Variants in EPN2 observed in about 807,000 individuals in gnomAD.
The protein encoded by EPN2 is epsin 2.
A neutral mutation model predicts 61.7 loss-of-function variants in EPN2; 34 were observed. The observed-to-expected ratio is 0.55, with a 90% CI of 0.42 to 0.73. The LOEUF is 0.73. EPN2 is among the 30% of genes least tolerant of loss of function. EPN2 has a pLI of 0.00. For synonymous variants in EPN2, 349 were observed against 353.6 expected, an observed-to-expected ratio of 0.99 and a Z score of 0.15; for missense variants, 714 against 839.2, an observed-to-expected ratio of 0.85 and a Z score of 1.84.
At chr17:19,317,580 G>A (rs1384199805) in intron 7 of EPN2, among the ~76,000 whole-genome samples, 1 of 152,232 alleles carries the variant, frequency 6.6e-6, no homozygotes, top group East Asian at 1.9e-4. Context: ...CCAGGCTGGC[G>A]GGTGGGAGGC....
chr17:19,281,318 A>G (rs1204159631), intron 1 of EPN2, among the ~76,000 whole-genome samples: 1 of 152,226 alleles, frequency 6.6e-6, no homozygotes, highest in Non-Finnish European at 1.5e-5. Context: ...AATCATTCAC[A>G]TGCAAAAAGA....
intron 7 of EPN2, among the ~76,000 whole-genome samples, chr17:19,316,723 A>G (rs750032691): frequency 2.2e-4 from 33 of 152,270 alleles, no homozygotes; most frequent in Non-Finnish European, 4.3e-4. Flanking sequence ...AGGCATCATT[A>G]GAAATTCTAA....
chr17:19,242,792 C>T (rs1221418140), intron 1 of EPN2, among the ~76,000 whole-genome samples: 4 of 152,172 alleles, frequency 2.6e-5, no homozygotes, highest in Admixed American at 6.5e-5. Flanking sequence ...TCCTGGGGGA[C>T]GGCTGATTGT....
In EPN2 at chr17:19,334,016, C is replaced by A. The variant is rs1242392373; in HGVS notation, c.1688C>A (p.Thr563Lys). Residue 563 changes from threonine to lysine, a missense_variant, in exon 11 of 11, where the codon ACA becomes AAA. Physicochemically the swap from Thr to Lys is moderately conservative, Grantham distance 78. Coordinates refer to ENST00000314728, the MANE Select transcript of EPN2 (RefSeq NM_014964.5). The surrounding 1 kb of genome is among the most constrained non-coding windows in gnomAD (Gnocchi z 4.9). ...PFQVNQPQPL[T>K]LNQLRGSPVL... Reference sequence around the variant, plus strand: ...CAGGTGAACCAGCCCCAGCCGCTGACACTGAACCAGCTTCGGGGGAGCCCA... The same window carrying A: ...CAGGTGAACCAGCCCCAGCCGCTGAAACTGAACCAGCTTCGGGGGAGCCCA... The A allele has an allele frequency of 2.5e-6, 4 of 1,597,528 alleles. No individual in the cohort carries two copies. The African/African-American group carries it at 5.4e-5, about 21-fold the overall frequency.
Position 19,329,644 on chromosome 17 carries a change from AC to A in EPN2, c.1409del (p.Thr470LysfsTer5). ...TGACAACCTTCGGACTTCAAAAAAAACAGGTATGTACAGGTGATGATGGTTT... is the reference window on the plus strand; with the variant it reads ...TGACAACCTTCGGACTTCAAAAAAAAAGGTATGTACAGGTGATGATGGTTT... The part of the protein sequence containing the change: ...EFDNLRTSKK[T>X]AESVTSLPSQ... On this transcript the variant is annotated frameshift_variant and splice_region_variant, in exon 9 of 11. Coordinates refer to ENST00000314728, the MANE Select transcript of EPN2 (RefSeq NM_014964.5). LOFTEE classifies it high-confidence loss of function. 6.4e-7 allele frequency: 1 copy of A among 1,562,728 alleles called. No homozygotes were observed. The highest frequency in any genetic ancestry group is 8.8e-7 in the Non-Finnish European group (1 of 1,133,598).
chr17:19,246,001 G>C (rs922359755), intron 1 of EPN2, among the ~76,000 whole-genome samples: 17 of 151,910 alleles, frequency 1.1e-4, no homozygotes, highest in African/African-American at 4.1e-4. Context: ...CTCCTACCTC[G>C]GGCTCCCCAA....
intron 7 of EPN2, among the ~76,000 whole-genome samples, chr17:19,326,414 T>C (rs141292818): frequency 2.8e-3 from 429 of 152,102 alleles, no homozygotes; most frequent in Non-Finnish European, 3.7e-3. Context: ...TGGCCAGGCG[T>C]GGTGGCTCAC....
chr17:19,273,430 C>T (rs1470260856), intron 1 of EPN2, among the ~76,000 whole-genome samples: 1 of 152,080 alleles, frequency 6.6e-6, no homozygotes, highest in Non-Finnish European at 1.5e-5. Flanking sequence ...GTCTAGAAGT[C>T]AAGTCTGAAA....
At chr17:19,317,671 A>G (rs1239164506) in intron 7 of EPN2, among the ~76,000 whole-genome samples, 4 of 152,192 alleles carry the variant, frequency 2.6e-5, no homozygotes, top group Non-Finnish European at 5.9e-5. Flanking sequence ...CCTTGGTTCC[A>G]TCTTCGTTTC....
At chr17:19,327,996 C>T (rs11871106) in intron 7 of EPN2, among the ~76,000 whole-genome samples, 6,092 of 152,216 alleles carry the variant, frequency 0.04, 171 homozygotes, top group Middle Eastern at 0.065. Context: ...CACATCACAG[C>T]GTTGACACTT....
intron 4 of EPN2, among the ~76,000 whole-genome samples, chr17:19,295,141 A>G (rs561855694): frequency 6.6e-6 from 1 of 152,282 alleles, no homozygotes; most frequent in African/African-American, 2.4e-5. Context: ...CACTAAAACA[A>G]GCTGTTAGAG....
In EPN2 at chr17:19,283,852, C is replaced by A; in HGVS notation, c.595+138C>A. On this transcript the variant is annotated intron_variant, in intron 3 of 10. Transcript: ENST00000314728. This position sits in a 1 kb window ranked among gnomAD's most constrained non-coding sequence, Gnocchi z 7.0. ...CCTCAGTACCCAGCTTTTGGTGGCC[C>A]AGGCAAATTGTCCTTGGTCTGGATT... The A allele has an allele frequency of 4.5e-6, 3 of 660,474 alleles. No individual in the cohort carries two copies. Among genetic ancestry groups the A allele is most frequent in the Non-Finnish European group, 7.6e-6 (3 of 393,476 alleles). The allele number at this position is 660,474 out of a possible 1,614,324, so 40.9% of individuals were successfully genotyped here.
chr17:19,260,293 A>C (rs2045127103), intron 1 of EPN2, among the ~76,000 whole-genome samples: 1 of 152,208 alleles, frequency 6.6e-6, no homozygotes, highest in African/African-American at 2.4e-5. Flanking sequence ...GCCAGGAGGA[A>C]GGAAACCCAG....
chr17:19,252,831 A>G (rs1307899107), intron 1 of EPN2, among the ~76,000 whole-genome samples: 1 of 152,188 alleles, frequency 6.6e-6, no homozygotes, highest in Non-Finnish European at 1.5e-5. Flanking sequence ...CTGGGGCTAC[A>G]GGTGCGTGTC....
rs1372480517 is a variant in EPN2, at chr17:19,331,979, T to C, written c.1538T>C (p.Leu513Pro). Residue 513 changes from leucine to proline, a missense_variant, in exon 10 of 11, where the codon CTG becomes CCG. Transcript: ENST00000314728. ...SSARKTPESF[L>P]GPNAALVNLD... ...GCCCGGAAAACACCTGAGTCCTTCCTGGGCCCCAACGCGGCCCTGGTGAAC... is the reference window on the plus strand; with the variant it reads ...GCCCGGAAAACACCTGAGTCCTTCCCGGGCCCCAACGCGGCCCTGGTGAAC... The C allele has an allele frequency of 1.2e-6, 2 of 1,613,986 alleles. No homozygotes were observed. The highest frequency in any genetic ancestry group is 2.2e-5 in the East Asian group (1 of 44,894).
chr17:19,243,456 G>C (rs1483701609), intron 1 of EPN2, among the ~76,000 whole-genome samples: 3 of 140,016 alleles, frequency 2.1e-5, no homozygotes, highest in Admixed American at 1.5e-4. Context: ...GCAGCGGCGC[G>C]ATCTCAGCTC....
chr17:19,336,080 C>G lies in EPN2; in HGVS notation c.*1826C>G, dbSNP rs985530155. On this transcript the variant is annotated 3_prime_UTR_variant, in exon 11 of 11. Coordinates refer to ENST00000314728, the MANE Select transcript of EPN2 (RefSeq NM_014964.5). The stretch of plus-strand genomic sequence containing the variant: ...TCTGGGCTGCTGGGACATGCAGGCT[C>G]TGAGTGGGGACTGCACCCACTCATG... 3.9e-5 allele frequency: 6 copies of G among 152,306 alleles called. No individual in the cohort carries two copies. Among genetic ancestry groups the G allele is most frequent in the African/African-American group, 1.4e-4 (6 of 41,462 alleles). 9.4% of individuals were successfully genotyped at this position (152,306 alleles called of 1,614,324 possible). A position where few individuals can be genotyped will look rare whatever the true frequency, so the allele number is the denominator to read the frequency against.
At chr17:19,270,086 C>G (rs1355140141) in intron 1 of EPN2, among the ~76,000 whole-genome samples, 1 of 152,156 alleles carries the variant, frequency 6.6e-6, no homozygotes, top group African/African-American at 2.4e-5. Flanking sequence ...GGCAGTGCAG[C>G]CTTGGGTCAG....
chr17:19,247,124 T>C (rs1049523135), intron 1 of EPN2, among the ~76,000 whole-genome samples: 1 of 152,192 alleles, frequency 6.6e-6, no homozygotes, highest in Non-Finnish European at 1.5e-5. Flanking sequence ...GACTATACTA[T>C]GGATGACAAA....
Sources: gnomAD v4.1 joint callset for allele counts (sites outside exome capture counted in the v4.1 genomes callset) on GRCh38, gnomAD v4.1.1 for gene constraint, Gnocchi (gnomAD v3.1) non-coding constraint, MANE v1.5 for transcripts, NCBI Gene and HGNC (gene_info 2026-07-23, HGNC 2026-07-21) for gene names.